TRIO: variants seen among roughly 807,000 people sequenced by gnomAD.
TRIO encodes the protein trio Rho guanine nucleotide exchange factor.
Under a neutral mutation model 351.9 loss-of-function variants are expected in TRIO, and 58 were observed. The ratio of observed to expected loss-of-function variants is 0.16; its 90% confidence interval spans 0.13 to 0.21. The LOEUF is 0.21. TRIO is among the 10% of genes least tolerant of loss of function. The probability of loss-of-function intolerance (pLI) is 1.00; values close to 1 mark genes in which losing one functional copy is unlikely to be tolerated. For missense variants in TRIO, 3,201 were observed against 4,027.8 expected (o/e 0.79, Z 5.56); for synonymous variants, 1,758 against 1,595.7 (o/e 1.10, Z -2.42).
At chr5:14,271,202 C>A (rs754405620) in intron 2 of TRIO, among the ~76,000 whole-genome samples, 2 of 152,144 alleles carry the variant, frequency 1.3e-5, no homozygotes, top group Non-Finnish European at 2.9e-5. Flanking sequence ...TTTAAAAATC[C>A]GATCATTTCA....
At chr5:14,185,972 A>G (rs1319804187) in intron 1 of TRIO, among the ~76,000 whole-genome samples, 1 of 152,200 alleles carries the variant, frequency 6.6e-6, no homozygotes, top group Non-Finnish European at 1.5e-5. Context: ...GTGCCCTAGT[A>G]AATGTTTTCA....
At chr5:14,186,630 T>C (rs908974185) in intron 1 of TRIO, among the ~76,000 whole-genome samples, 2 of 151,936 alleles carry the variant, frequency 1.3e-5, no homozygotes, top group African/African-American at 4.8e-5. Flanking sequence ...CAGGCTGGAG[T>C]GCAGTGGTGC....
Position 14,484,775 on chromosome 5 carries a change from C to T in TRIO, c.6658-294C>T, listed in dbSNP as rs181270110. On this transcript the variant is annotated intron_variant, in intron 46 of 56. Transcript: ENST00000344204. Reference sequence around the variant, plus strand: ...CAGTAACTCCCCACTTCCCCACCCCCAAGCCCCTGGCAACCTCCACTCTAC... The same window carrying T: ...CAGTAACTCCCCACTTCCCCACCCCTAAGCCCCTGGCAACCTCCACTCTAC... 2.7e-3 allele frequency among the ~76,000 whole-genome samples: 404 copies of T among 152,294 alleles called. 1 individual carries two copies. Among genetic ancestry groups the T allele is most frequent in the African/African-American group, 8.9e-3 (368 of 41,550 alleles).
intron 55 of TRIO, among the ~76,000 whole-genome samples, chr5:14,506,356 C>T (rs1427514759): frequency 6.6e-6 from 1 of 152,228 alleles, no homozygotes; most frequent in Non-Finnish European, 1.5e-5. Flanking sequence ...GGCAGCTGAT[C>T]TTCCTACAGA....
chr5:14,153,619 A>T (rs1415077458), intron 1 of TRIO, among the ~76,000 whole-genome samples: 3 of 152,132 alleles, frequency 2.0e-5, no homozygotes, highest in African/African-American at 7.2e-5. Flanking sequence ...CAGCAGGTGG[A>T]TGCCATTCCT....
intron 15 of TRIO, among the ~76,000 whole-genome samples, chr5:14,365,893 C>T (rs944267781): frequency 3.3e-5 from 5 of 152,086 alleles, no homozygotes; most frequent in Admixed American, 2.0e-4. Context: ...GGAAGGGGAA[C>T]GCATAATGAG....
intron 3 of TRIO, among the ~76,000 whole-genome samples, chr5:14,281,250 G>A (rs1735964923): frequency 6.6e-6 from 1 of 152,162 alleles, no homozygotes; most frequent in South Asian, 2.1e-4. Flanking sequence ...GGAGCCCTCA[G>A]GAAACTTATG....
At chr5:14,469,507 G>C (rs1754521009) in intron 37 of TRIO, among the ~76,000 whole-genome samples, 1 of 152,218 alleles carries the variant, frequency 6.6e-6, no homozygotes, top group Non-Finnish European at 1.5e-5. Flanking sequence ...AGAAAGAGAG[G>C]AGAAGGACAC....
intron 35 of TRIO, among the ~76,000 whole-genome samples, 186 bp from the exon 36 acceptor site, chr5:14,462,569 C>T (rs1753908454): frequency 6.6e-6 from 1 of 152,204 alleles, no homozygotes; most frequent in South Asian, 2.1e-4. Flanking sequence ...TTCTGTCATC[C>T]AAGTTGACAA....
intron 1 of TRIO, among the ~76,000 whole-genome samples, chr5:14,205,397 A>T (rs1206368934): frequency 2.0e-5 from 3 of 152,234 alleles, no homozygotes; most frequent in Non-Finnish European, 4.4e-5. Context: ...TGAAACAGTG[A>T]ACAGTAGTTC....
intron 34 of TRIO, among the ~76,000 whole-genome samples, chr5:14,438,758 C>T (rs537345685): frequency 3.9e-5 from 6 of 152,380 alleles, no homozygotes; most frequent in South Asian, 4.1e-4. Context: ...CCTCTCCCAT[C>T]GGTCATTTAC....
chr5:14,467,933 C>G (rs937368462), intron 37 of TRIO, among the ~76,000 whole-genome samples: 7 of 152,126 alleles, frequency 4.6e-5, no homozygotes, highest in Admixed American at 1.3e-4. Context: ...TAAATTGTAT[C>G]CAGTGAGTTT....
At chr5:14,221,047 C>G (rs534642737) in intron 1 of TRIO, among the ~76,000 whole-genome samples, 3 of 152,274 alleles carry the variant, frequency 2.0e-5, no homozygotes, top group African/African-American at 7.2e-5. Flanking sequence ...CAGCTGGGGA[C>G]TTTGTTGAAG....
At chr5:14,302,328 G>A (rs2152294325) in intron 7 of TRIO, among the ~76,000 whole-genome samples, 1 of 152,304 alleles carries the variant, frequency 6.6e-6, no homozygotes, top group African/African-American at 2.4e-5. Flanking sequence ...TGGGTGTTCT[G>A]CAGTGGCCAT....
At position 14,491,228 on chromosome 5, in the gene TRIO, C is replaced by T. The variant is rs376891462; in HGVS notation, c.7633-1339C>T. Among the ~76,000 whole-genome samples, 30 of 152,270 alleles carry T rather than the reference C, an allele frequency of 2.0e-4. No individual in the cohort carries two copies. In the South Asian group the frequency reaches 2.1e-3, roughly 11 times the overall value. On this transcript the variant is annotated intron_variant, in intron 48 of 56. Transcript: ENST00000344204. ...GTCCTTTTGGCCAGCTACAGCAGTC[C>T]GCCACCTGCTCCAGCGTGTACTGAT...
intron 38 of TRIO, among the ~76,000 whole-genome samples, chr5:14,472,323 C>T (rs1579756500): frequency 6.6e-6 from 1 of 152,210 alleles, no homozygotes; most frequent in Middle Eastern, 3.4e-3. Flanking sequence ...CATTGTTGTC[C>T]CTGTATGTGA....
At chr5:14,155,017 C>T (rs970860943) in intron 1 of TRIO, among the ~76,000 whole-genome samples, 4 of 152,308 alleles carry the variant, frequency 2.6e-5, no homozygotes, top group African/African-American at 9.6e-5. Flanking sequence ...TGATACAAAG[C>T]TCAGGTCCGA....
intron 25 of TRIO, 124 bp from the exon 26 acceptor site, chr5:14,390,107 T>A: frequency 1.3e-6 from 1 of 782,890 alleles, no homozygotes; most frequent in Non-Finnish European, 2.0e-6. Context: ...TAACTTACCC[T>A]AGTTAAGAGC....
chr5:14,169,168 T>C (rs1788951761), intron 1 of TRIO, among the ~76,000 whole-genome samples: 1 of 148,696 alleles, frequency 6.7e-6, no homozygotes, highest in Non-Finnish European at 1.5e-5. Flanking sequence ...AACTCCGTTA[T>C]ATTCTTTTTT....
Sources: gnomAD v4.1 joint callset for allele counts (sites outside exome capture counted in the v4.1 genomes callset) on GRCh38, gnomAD v4.1.1 for gene constraint, MANE v1.5 for transcripts, NCBI Gene and HGNC (gene_info 2026-07-23, HGNC 2026-07-21) for gene names.